The following PDZRN3 variants were observed in gnomAD, a reference collection of about 807,000 sequenced individuals.
The protein encoded by PDZRN3 is E3 ubiquitin-protein ligase PDZRN3.
In PDZRN3, 38 loss-of-function variants were observed where a neutral mutation model predicts 85.7. That is an observed-to-expected ratio of 0.44 (90% CI 0.34 to 0.58). The LOEUF (loss-of-function observed/expected upper bound fraction) is 0.58, where lower values mean the gene tolerates loss of function less well. PDZRN3 is among the 20% of genes least tolerant of loss of function. The pLI is 0.01. For synonymous variants in PDZRN3, 759 were observed against 638.0 expected (o/e 1.19, Z -2.86); for missense variants, 1,629 against 1,506.4 (o/e 1.08, Z -1.35).
In PDZRN3 at chr3:73,404,242, T is replaced by A. The variant is rs1487346082; in HGVS notation, c.1072A>T (p.Thr358Ser). The A allele has an allele frequency of 6.2e-7, 1 of 1,614,014 alleles. No individual in the cohort carries two copies. The stretch of plus-strand genomic sequence containing the variant: ...TGTTCAAAGGTGATGTCGGTTTGGG[T>A]TCCCGTGTCCACCAGCTGAGACTCT... ...PSESQLVDTGTQTDITFEHIM... is the reference protein window; with the variant it reads ...PSESQLVDTGSQTDITFEHIM... Residue 358 changes from threonine (T) to serine (S), a missense_variant, in exon 4 of 10, where the codon ACC becomes TCC. Physicochemically the swap from Thr to Ser is moderately conservative, Grantham distance 58 (BLOSUM62 1). Transcript: ENST00000263666.
chr3:73,397,558 CCTT>C (rs1230768427), intron 5 of PDZRN3, among the ~76,000 whole-genome samples: 1 of 152,202 alleles, frequency 6.6e-6, no homozygotes, highest in Non-Finnish European at 1.5e-5. Flanking sequence ...TATTAATTAA[CCTT>C]CTTGAACTGA....
intron 5 of PDZRN3, among the ~76,000 whole-genome samples, chr3:73,395,503 G>A (rs924485374): frequency 6.6e-6 from 1 of 152,180 alleles, no homozygotes; most frequent in Non-Finnish European, 1.5e-5. Context: ...CCAATGAAGA[G>A]TATTAAGAGG....
chr3:73,386,711 G>A (rs998141730), intron 8 of PDZRN3, among the ~76,000 whole-genome samples: 2 of 152,224 alleles, frequency 1.3e-5, no homozygotes, highest in African/African-American at 4.8e-5. Flanking sequence ...TGGCAGAGAT[G>A]GTATGGCCAC....
At chr3:73,495,754 T>C (rs1259076417) in intron 3 of PDZRN3, among the ~76,000 whole-genome samples, 1 of 152,176 alleles carries the variant, frequency 6.6e-6, no homozygotes, top group Non-Finnish European at 1.5e-5. Context: ...ACTTTTATGA[T>C]ATTGGCAATA....
chr3:73,474,011 T>A lies in PDZRN3; in HGVS notation c.919-69616A>T. ...AGATAACTAATATACTTGTCACACA[T>A]CTACTAAGCGGTAGAGCCTGGACTC... On this transcript the variant is annotated intron_variant, in intron 3 of 9. Transcript: ENST00000263666. Among the ~76,000 whole-genome samples, 9 of 152,324 alleles carry A rather than the reference T, an allele frequency of 5.9e-5. 2 individuals are homozygous for A. The South Asian group carries it at 1.9e-3, about 32-fold the overall frequency.
intron 3 of PDZRN3, among the ~76,000 whole-genome samples, chr3:73,477,669 A>G (rs2106898903): frequency 6.6e-6 from 1 of 152,350 alleles, no homozygotes; most frequent in African/African-American, 2.4e-5. Context: ...CATTTAGGGT[A>G]TGGAACTGGC....
chr3:73,462,437 T>G (rs1234046711), intron 3 of PDZRN3, among the ~76,000 whole-genome samples: 1 of 148,144 alleles, frequency 6.8e-6, no homozygotes, highest in Non-Finnish European at 1.5e-5. Flanking sequence ...CCCAGCTACT[T>G]GGGAGCCCGA....
chr3:73,392,305 A>C (rs2106696060), intron 5 of PDZRN3, among the ~76,000 whole-genome samples: 1 of 152,366 alleles, frequency 6.6e-6, no homozygotes, highest in South Asian at 2.1e-4. Flanking sequence ...TGAGTAGCTA[A>C]GATTTTATTT....
chr3:73,434,068 T>TG, intron 3 of PDZRN3: 6 of 469,448 alleles, frequency 1.3e-5, no homozygotes, highest in Non-Finnish European at 1.7e-5. Flanking sequence ...TGACTATTCA[T>TG]AACAGACAAT....
At chr3:73,452,839 C>CTGTGTGTG (rs35308043) in intron 3 of PDZRN3, among the ~76,000 whole-genome samples, 6,960 of 140,660 alleles carry the variant, frequency 0.049, 212 homozygotes, top group East Asian at 0.092. Context: ...GTCCATATAT[C>CTGTGTGTG]TGTGTGTGTG....
rs530881376 is a variant in PDZRN3 at position 73,405,176 on chromosome 3, G to T, written c.919-781C>A. 3.9e-5 allele frequency among the ~76,000 whole-genome samples: 6 copies of T among 152,322 alleles called. No individual in the cohort carries two copies. In the South Asian group the frequency reaches 1.2e-3, roughly 32 times the overall value. ...CCCTAGAGCCTCAAACCTCATGAGA[G>T]GACCTTACTAGTTTATGCTGGGTCA... On this transcript the variant is annotated intron_variant, in intron 3 of 9. Coordinates refer to ENST00000263666, the MANE Select transcript of PDZRN3 (RefSeq NM_015009.3).
At chr3:73,591,770 A>G (rs1702360512) in intron 3 of PDZRN3, among the ~76,000 whole-genome samples, 1 of 152,218 alleles carries the variant, frequency 6.6e-6, no homozygotes, top group African/African-American at 2.4e-5. Flanking sequence ...AAGATCATGA[A>G]GCTCGCAAAT....
chr3:73,489,839 TG>T (rs1306840629), intron 3 of PDZRN3, among the ~76,000 whole-genome samples: 6 of 152,116 alleles, frequency 3.9e-5, no homozygotes, highest in Non-Finnish European at 7.3e-5. Context: ...CCCAAAGTGC[TG>T]GGATTCCAGG....
chr3:73,447,693 T>G (rs995605958), intron 3 of PDZRN3, among the ~76,000 whole-genome samples: 1 of 152,180 alleles, frequency 6.6e-6, no homozygotes, highest in Non-Finnish European at 1.5e-5. Context: ...TCCACTGGCT[T>G]TAGAGATAAT....
chr3:73,401,098 G>C, intron 4 of PDZRN3, 89 bp from the exon 5 acceptor site: 1 of 935,908 alleles, frequency 1.1e-6, no homozygotes, highest in Non-Finnish European at 1.8e-6. Flanking sequence ...TGGCACAGTA[G>C]CAATTCCCAG....
chr3:73,477,897 G>A (rs1703488653), intron 3 of PDZRN3, among the ~76,000 whole-genome samples: 1 of 152,128 alleles, frequency 6.6e-6, no homozygotes, highest in African/African-American at 2.4e-5. Context: ...ACGTGTGCAG[G>A]GGAACTGTCC....
chr3:73,546,363 G>A (rs1336417271), intron 3 of PDZRN3, among the ~76,000 whole-genome samples: 1 of 152,242 alleles, frequency 6.6e-6, no homozygotes, highest in African/African-American at 2.4e-5. Flanking sequence ...TGCATCAAAT[G>A]ATCGTCACTG....
intron 3 of PDZRN3, among the ~76,000 whole-genome samples, chr3:73,593,138 A>G (rs1226213243): frequency 6.6e-6 from 1 of 151,748 alleles, no homozygotes; most frequent in East Asian, 1.9e-4. Flanking sequence ...AAACCCCCAT[A>G]TTTAAAGATA....
intron 3 of PDZRN3, among the ~76,000 whole-genome samples, chr3:73,589,748 G>A (rs77845033): frequency 6.6e-6 from 1 of 152,118 alleles, no homozygotes; most frequent in Non-Finnish European, 1.5e-5. Context: ...ATTAAACACA[G>A]ACTATATACA....
Sources: allele counts gnomAD v4.1 joint callset (sites outside exome capture counted in the v4.1 genomes callset), GRCh38; gene constraint gnomAD v4.1.1; transcripts MANE v1.5; gene names NCBI Gene and HGNC (gene_info 2026-07-23, HGNC 2026-07-21).